The following PCSK6 variants were observed in gnomAD, a reference collection of about 807,000 sequenced individuals.
The protein encoded by PCSK6 is paired basic amino acid cleaving enzyme 4.
A neutral mutation model predicts 123.3 loss-of-function variants in PCSK6; 85 were observed. That is an observed-to-expected ratio of 0.69 (90% confidence interval 0.58 to 0.83). The LOEUF (loss-of-function observed/expected upper bound fraction) is 0.83, where lower values mean the gene tolerates loss of function less well. PCSK6 is among the 40% of genes least tolerant of loss of function. The pLI is 0.00. For synonymous variants in PCSK6, 508 were observed against 516.0 expected, an observed-to-expected ratio of 0.98 and a Z score of 0.21; for missense variants, 1,191 against 1,282.3, an observed-to-expected ratio of 0.93 and a Z score of 1.09.
At chr15:101,419,802 T>C (rs2056019738) in intron 6 of PCSK6, among the ~76,000 whole-genome samples, 1 of 152,062 alleles carries the variant, frequency 6.6e-6, no homozygotes, top group Non-Finnish European at 1.5e-5. Flanking sequence ...TAGGATGTGA[T>C]GAGGGCCACG....
intron 13 of PCSK6, among the ~76,000 whole-genome samples, chr15:101,340,631 C>T (rs1417275921): frequency 1.3e-5 from 2 of 152,206 alleles, no homozygotes; most frequent in East Asian, 3.8e-4. Flanking sequence ...TTTGCCCTTA[C>T]ATTGCTAGAC....
rs2056588488 is a variant in PCSK6, at chr15:101,436,002, C to T, written c.403-3902G>A. 2.6e-5 allele frequency among the ~76,000 whole-genome samples: 4 copies of T among 152,210 alleles called. No individual in the cohort carries two copies. In the South Asian group the frequency reaches 8.3e-4, roughly 31 times the overall value. On this transcript the variant is annotated intron_variant, in intron 2 of 21. Coordinates refer to ENST00000611716, the MANE Select transcript of PCSK6 (RefSeq NM_002570.5). ...GTGGGCCAGAAGCTTGCTGACATAT[C>T]ATTCCCAGGTGTGACAAGCGACAGG...
intron 1 of PCSK6, 60 bp downstream of exon 1, chr15:101,489,314 C>CA (rs2058104277): frequency 2.9e-6 from 3 of 1,049,548 alleles, no homozygotes; most frequent in Admixed American, 5.6e-5. Flanking sequence ...GAGGCGCCCC[C>CA]CTCGCGCGCG....
chr15:101,374,682 C>T (rs577140963), intron 11 of PCSK6, among the ~76,000 whole-genome samples: 11 of 152,344 alleles, frequency 7.2e-5, no homozygotes, highest in African/African-American at 2.6e-4. Flanking sequence ...ATCCAGGAAA[C>T]CCTTTCACAG....
intron 18 of PCSK6, among the ~76,000 whole-genome samples, chr15:101,318,980 C>T (rs539321268): frequency 1.2e-3 from 189 of 152,350 alleles, no homozygotes; most frequent in Admixed American, 2.1e-3. Flanking sequence ...CTTCCTCTTT[C>T]GCCCCATTTG....
At chr15:101,372,803 T>C (rs1334366857) in intron 11 of PCSK6, among the ~76,000 whole-genome samples, 1 of 152,172 alleles carries the variant, frequency 6.6e-6, no homozygotes. Context: ...CTTCAACACC[T>C]TTCCAGTGCT....
intron 11 of PCSK6, among the ~76,000 whole-genome samples, chr15:101,370,926 C>T (rs2041566448): frequency 1.3e-5 from 2 of 152,134 alleles, no homozygotes; most frequent in African/African-American, 2.4e-5. Context: ...GCCCTGTCTG[C>T]CTTGCATTGC....
Position 101,305,366 on chromosome 15 carries a change from G to C in PCSK6, c.2813-11C>G, listed in dbSNP as rs146671619. ...AGAATGTCTCGTCAGCTGGGGCCCC[G>C]CATCAGGAAAGGCAAAAGAGGGAAA... On this transcript the variant is annotated splice_polypyrimidine_tract_variant and intron_variant, in intron 21 of 21. Coordinates refer to ENST00000611716, the MANE Select transcript of PCSK6 (RefSeq NM_002570.5). The surrounding 1 kb of genome is among the most constrained non-coding windows in gnomAD (Gnocchi z 4.8). 5 of 1,608,394 alleles carry C rather than the reference G, an allele frequency of 3.1e-6. No homozygotes were observed. The highest frequency in any genetic ancestry group is 3.4e-6 in the Non-Finnish European group (4 of 1,178,230).
chr15:101,352,136 A>ATTTT (rs1248879739), intron 13 of PCSK6, among the ~76,000 whole-genome samples: 3 of 130,038 alleles, frequency 2.3e-5, no homozygotes, highest in Admixed American at 1.6e-4. Flanking sequence ...ATATTTTTCT[A>ATTTT]ATTTTTTTTT....
At chr15:101,344,399 A>C (rs1010302186) in intron 13 of PCSK6, among the ~76,000 whole-genome samples, 1 of 152,242 alleles carries the variant, frequency 6.6e-6, no homozygotes, top group African/African-American at 2.4e-5. Context: ...GACCCTCTAC[A>C]TATTGATACA....
At position 101,398,464 on chromosome 15, in the gene PCSK6, G is replaced by T. The variant is rs766112770; in HGVS notation, c.936C>A (p.Gly312=). 1 of 1,613,958 alleles carries T rather than the reference G, an allele frequency of 6.2e-7. No homozygotes were observed. The highest frequency in any genetic ancestry group is 2.2e-5 in the East Asian group (1 of 44,888). Residue 312 remains glycine (G), a synonymous_variant, in exon 7 of 22, where the codon GGC becomes GGA. Transcript: ENST00000611716. This position sits in a 1 kb window ranked among gnomAD's most constrained non-coding sequence, Gnocchi z 4.6. ...GTCGGCCGGGCCCGTCCACCGTCTT[G>T]CCGTCGTCGTCCGGCCCCCAGCTGG... ...YSASWGPDDD[G]KTVDGPGRLA... is the part of the protein sequence containing the mutation.
At chr15:101,344,320 T>A (rs1373269543) in intron 13 of PCSK6, among the ~76,000 whole-genome samples, 1 of 152,218 alleles carries the variant, frequency 6.6e-6, no homozygotes, top group African/African-American at 2.4e-5. Flanking sequence ...TAAGGCTGTG[T>A]TATAAATTGC....
rs765579645 is a variant in PCSK6, at chr15:101,307,341, G to A, written c.2700-16C>T. 1.1e-5 allele frequency: 18 copies of A among 1,591,946 alleles called. No homozygotes were observed. The highest frequency in any genetic ancestry group is 8.0e-5 in the African/African-American group (6 of 74,658). The stretch of plus-strand genomic sequence containing the variant: ...CTCGTCACACCTGTGGGAAGATACC[G>A]TTCCTGCTGAAGTCTGGGGAAGAGG... On this transcript the variant is annotated splice_polypyrimidine_tract_variant and intron_variant, in intron 20 of 21. Transcript: ENST00000611716.
At chr15:101,487,157 A>G (rs1182754104) in intron 1 of PCSK6, among the ~76,000 whole-genome samples, 3 of 152,108 alleles carry the variant, frequency 2.0e-5, no homozygotes, top group Non-Finnish European at 2.9e-5. Context: ...TAGAGGGGGG[A>G]AAGAAAAGCT....
chr15:101,451,307 C>T (rs961014698), intron 1 of PCSK6, among the ~76,000 whole-genome samples: 20 of 151,598 alleles, frequency 1.3e-4, no homozygotes, highest in African/African-American at 4.6e-4. Flanking sequence ...AAGGTCCACC[C>T]GCCCACTCAG....
At chr15:101,446,244 C>T (rs1313717342) in intron 1 of PCSK6, among the ~76,000 whole-genome samples, 1 of 152,276 alleles carries the variant, frequency 6.6e-6, no homozygotes, top group African/African-American at 2.4e-5. Context: ...AAGCTGGAAT[C>T]ACACATTCGT....
chr15:101,366,510 T>A (rs2041397469), intron 12 of PCSK6, among the ~76,000 whole-genome samples, 178 bp from the exon 13 acceptor site: 1 of 152,104 alleles, frequency 6.6e-6, no homozygotes, highest in Non-Finnish European at 1.5e-5. Flanking sequence ...AATGTGATCG[T>A]CTTTAAGCTC....
intron 9 of PCSK6, among the ~76,000 whole-genome samples, chr15:101,384,805 A>G (rs939141318): frequency 1.3e-5 from 2 of 152,250 alleles, no homozygotes; most frequent in African/African-American, 4.8e-5. Flanking sequence ...ACAACAGTGC[A>G]TAAGAGTACA....
Position 101,427,192 on chromosome 15 carries a change from C to T in PCSK6, c.823+700G>A, listed in dbSNP as rs112612508. 7.7e-3 allele frequency among the ~76,000 whole-genome samples: 1,169 copies of T among 152,222 alleles called. 11 individuals carry two copies. Among genetic ancestry groups the T allele is most frequent in the African/African-American group, 0.026 (1,078 of 41,460 alleles). On this transcript the variant is annotated intron_variant, in intron 6 of 21. Coordinates refer to ENST00000611716, the MANE Select transcript of PCSK6 (RefSeq NM_002570.5). ...CAGTGTGAGAAGCTAAATGGCAAGA[C>T]CAGACGCACGCGGGGCAGGGGCGGC...
Sources: allele counts gnomAD v4.1 joint callset (sites outside exome capture counted in the v4.1 genomes callset), GRCh38; gene constraint gnomAD v4.1.1; non-coding constraint Gnocchi (gnomAD v3.1); transcripts MANE v1.5; gene names NCBI Gene and HGNC (gene_info 2026-07-23, HGNC 2026-07-21).